The following GRM7 variants were observed in gnomAD, a reference collection of about 807,000 sequenced individuals.
The protein encoded by GRM7 is glutamate metabotropic receptor 7, also known as metabotropic glutamate receptor 7.
Under a neutral mutation model 84.5 loss-of-function variants are expected in GRM7, and 35 were observed. The observed-to-expected ratio is 0.41, with a 90% CI of 0.32 to 0.55. The LOEUF is 0.55. GRM7 is among the 20% of genes least tolerant of loss of function. GRM7 has a pLI of 0.19. For synonymous variants in GRM7, 487 were observed against 455.1 expected (o/e 1.07, Z -0.89); for missense variants, 1,003 against 1,194.6 (o/e 0.84, Z 2.36).
At chr3:7,015,300 G>A (rs1418448146) in intron 1 of GRM7, among the ~76,000 whole-genome samples, 2 of 152,124 alleles carry the variant, frequency 1.3e-5, no homozygotes, top group Admixed American at 6.6e-5. Flanking sequence ...CTTGAAGTCC[G>A]CGAGACCAAG....
chr3:6,896,975 A>G (rs1696206169), intron 1 of GRM7, among the ~76,000 whole-genome samples: 2 of 152,166 alleles, frequency 1.3e-5, no homozygotes, highest in African/African-American at 4.8e-5. Context: ...TGTTTGCCTA[A>G]GTGTTTGAAT....
rs370937057 is a variant in GRM7, at chr3:7,616,928, T to A, written c.2451+37571T>A. Among the ~76,000 whole-genome samples, 35 of 152,234 alleles carry A rather than the reference T, an allele frequency of 2.3e-4. 1 individual carries two copies. Among genetic ancestry groups the A allele is most frequent in the African/African-American group, 7.9e-4 (33 of 41,548 alleles). On this transcript the variant is annotated intron_variant, in intron 8 of 9. Transcript: ENST00000357716. ...AGATTCAATGTAATTCTGATAAGAA[T>A]TGTAATGGAATTAAACTAAGTCTAA...
At chr3:7,525,661 G>T (rs781773526) in intron 7 of GRM7, among the ~76,000 whole-genome samples, 1 of 152,046 alleles carries the variant, frequency 6.6e-6, no homozygotes, top group African/African-American at 2.4e-5. Flanking sequence ...ACCCAAATAA[G>T]GAACACAGTA....
At chr3:7,593,751 A>G (rs1014264312) in intron 8 of GRM7, among the ~76,000 whole-genome samples, 5 of 152,156 alleles carry the variant, frequency 3.3e-5, no homozygotes, top group African/African-American at 1.2e-4. Flanking sequence ...GGGCTTTGGA[A>G]TTCTGAGCAA....
rs149061928 is a variant in GRM7, at chr3:7,363,294, T to A, written c.1034-51729T>A. ...GTTGCTATGTTGCTTTAAGATGATT[T>A]GTTCTGCATTAACCACTGAAAAGAT... On this transcript the variant is annotated intron_variant, in intron 4 of 9. Transcript: ENST00000357716. Among the ~76,000 whole-genome samples, 935 of 152,194 alleles carry A rather than the reference T, an allele frequency of 6.1e-3. 6 individuals are homozygous for A. Among genetic ancestry groups the A allele is most frequent in the African/African-American group, 0.021 (881 of 41,568 alleles).
chr3:7,342,956 C>T (rs1297319550), intron 4 of GRM7, among the ~76,000 whole-genome samples: 2 of 152,088 alleles, frequency 1.3e-5, no homozygotes, highest in African/African-American at 2.4e-5. Context: ...CTTGTGAGGA[C>T]CCAGTGAGTT....
At chr3:7,331,432 G>A (rs73132230) in intron 4 of GRM7, among the ~76,000 whole-genome samples, 5,991 of 152,274 alleles carry the variant, frequency 0.039, 247 homozygotes, top group African/African-American at 0.11. Flanking sequence ...TTTGAAGGAT[G>A]TTTTTAAAAT....
chr3:7,059,470 C>T (rs1697353645), intron 1 of GRM7, among the ~76,000 whole-genome samples: 1 of 151,732 alleles, frequency 6.6e-6, no homozygotes, highest in Admixed American at 6.6e-5. Flanking sequence ...TATCTAAACA[C>T]ATTAAAAGAT....
chr3:7,011,709 C>T (rs1695373847), intron 1 of GRM7, among the ~76,000 whole-genome samples: 1 of 152,086 alleles, frequency 6.6e-6, no homozygotes, highest in Non-Finnish European at 1.5e-5. Flanking sequence ...GAAGGCAAAC[C>T]TGGGAACAGA....
At chr3:7,703,618 T>A (rs1259260261) in intron 9 of GRM7, among the ~76,000 whole-genome samples, 1 of 152,200 alleles carries the variant, frequency 6.6e-6, no homozygotes, top group Non-Finnish European at 1.5e-5. Context: ...GCTTGAATAC[T>A]TCTAGTGATA....
intron 8 of GRM7, among the ~76,000 whole-genome samples, chr3:7,644,213 C>CGT (rs879687003): frequency 0.01 from 1,364 of 134,572 alleles, 41 homozygotes; most frequent in African/African-American, 0.037. Flanking sequence ...TATGTCTGTA[C>CGT]ATATATATGT....
chr3:7,284,056 G>T (rs963167278), intron 2 of GRM7, among the ~76,000 whole-genome samples: 4 of 152,122 alleles, frequency 2.6e-5, no homozygotes, highest in South Asian at 2.1e-4. Context: ...ACATCATCAA[G>T]AATCTTAATT....
At chr3:7,207,899 C>T (rs1696291133) in intron 2 of GRM7, among the ~76,000 whole-genome samples, 2 of 152,076 alleles carry the variant, frequency 1.3e-5, no homozygotes, top group Non-Finnish European at 2.9e-5. Context: ...TAATTATAAC[C>T]GTGAAAGTGG....
intron 8 of GRM7, among the ~76,000 whole-genome samples, chr3:7,654,557 C>T (rs980522792): frequency 6.6e-6 from 1 of 152,198 alleles, no homozygotes; most frequent in African/African-American, 2.4e-5. Flanking sequence ...ATTACTTTGA[C>T]TGTTTCCAGT....
intron 1 of GRM7, among the ~76,000 whole-genome samples, chr3:7,073,128 A>T (rs1420671336): frequency 6.6e-6 from 1 of 152,154 alleles, no homozygotes; most frequent in Non-Finnish European, 1.5e-5. Context: ...TTCCTGCAAC[A>T]AATGGTCAAG....
chr3:7,163,934 T>C (rs113852753), intron 2 of GRM7, among the ~76,000 whole-genome samples: 26 of 152,324 alleles, frequency 1.7e-4, no homozygotes, highest in Middle Eastern at 3.4e-3. Flanking sequence ...AGGTACTAAT[T>C]TAACCTCATT....
intron 4 of GRM7, among the ~76,000 whole-genome samples, chr3:7,399,218 G>A (rs1246766765): frequency 1.3e-5 from 2 of 149,534 alleles, no homozygotes; most frequent in East Asian, 2.0e-4. Context: ...ATAATAAAAT[G>A]TCCTCAACAT....
At chr3:6,876,265 C>T (rs1181332234) in intron 1 of GRM7, among the ~76,000 whole-genome samples, 1 of 150,494 alleles carries the variant, frequency 6.6e-6, no homozygotes, top group African/African-American at 2.4e-5. Context: ...GAGGCTCCAT[C>T]TCAAAAAAAA....
At chr3:7,008,469 A>G (rs1695255751) in intron 1 of GRM7, among the ~76,000 whole-genome samples, 1 of 152,230 alleles carries the variant, frequency 6.6e-6, no homozygotes, top group African/African-American at 2.4e-5. Context: ...ATGTGTTTAC[A>G]TTTAATTAAA....
Sources: allele counts gnomAD v4.1 joint callset (sites outside exome capture counted in the v4.1 genomes callset), GRCh38; gene constraint gnomAD v4.1.1; transcripts MANE v1.5; gene names NCBI Gene and HGNC (gene_info 2026-07-23, HGNC 2026-07-21).